Variants in CHRNB4 observed in about 807,000 individuals in gnomAD.
CHRNB4 encodes the protein cholinergic receptor nicotinic beta 4 subunit.
In CHRNB4, 23 loss-of-function variants were observed where a neutral mutation model predicts 40.4. The observed-to-expected ratio is 0.57, with a 90% CI of 0.41 to 0.81. The LOEUF (loss-of-function observed/expected upper bound fraction) is 0.81, where lower values mean the gene tolerates loss of function less well. Among genes scored for constraint, CHRNB4 ranks in the 30% least tolerant of loss-of-function variants. The pLI is 0.00. For synonymous variants in CHRNB4, 285 were observed against 274.4 expected, an observed-to-expected ratio of 1.04 and a Z score of -0.38; for missense variants, 568 against 670.6, an observed-to-expected ratio of 0.85 and a Z score of 1.69.
At chr15:78,650,765 G>A (rs1449625425) in intron 6 of CHRNB4, among the ~76,000 whole-genome samples, 2 of 152,146 alleles carry the variant, frequency 1.3e-5, no homozygotes, top group Admixed American at 1.3e-4. Flanking sequence ...TTATGCACAA[G>A]GCCACCAAAC....
chr15:78,643,851 T>C (rs181776983), upstream of CHRNB4, among the ~76,000 whole-genome samples: 9 of 151,932 alleles, frequency 5.9e-5, no homozygotes, highest in Admixed American at 5.2e-4. Context: ...GAAAATGAAA[T>C]AGAAAAAGAG....
At chr15:78,660,348 T>A (rs1272960705) in intron 1 of CHRNB4, among the ~76,000 whole-genome samples, 3 of 152,220 alleles carry the variant, frequency 2.0e-5, no homozygotes, top group Admixed American at 6.6e-5. Flanking sequence ...TCAATAAAAG[T>A]TGCTAACAGC....
intron 2 of CHRNB4, among the ~76,000 whole-genome samples, chr15:78,631,828 TCTG>T (rs966514309): frequency 1.6e-4 from 24 of 152,282 alleles, no homozygotes; most frequent in African/African-American, 5.3e-4. Flanking sequence ...TACTAATTGT[TCTG>T]CTGCCACATC....
upstream of CHRNB4, chr15:78,661,195 G>T: frequency 1.6e-6 from 1 of 612,548 alleles, no homozygotes. Flanking sequence ...ACCAAAGAGC[G>T]GAATGGTGCT....
At chr15:78,631,645 C>T (rs17487223) in intron 2 of CHRNB4, among the ~76,000 whole-genome samples, 41,250 of 152,136 alleles carry the variant, frequency 0.27, 6,771 homozygotes, top group Middle Eastern at 0.4. Context: ...GTCTTGTAAG[C>T]TATATCTTCT....
intron 7 of CHRNB4, among the ~76,000 whole-genome samples, chr15:78,647,385 A>G (rs1478426237): frequency 6.6e-6 from 1 of 151,626 alleles, no homozygotes; most frequent in African/African-American, 2.4e-5. Flanking sequence ...AACCAAAAGA[A>G]AAGTGGGCAA....
Position 78,625,000 on chromosome 15 carries a change from G to A in CHRNB4, c.*133C>T. 10 of 1,592,548 alleles carry A rather than the reference G, an allele frequency of 6.3e-6. No homozygotes were observed. The highest frequency in any genetic ancestry group is 8.5e-6 in the Non-Finnish European group (10 of 1,177,160). The stretch of plus-strand genomic sequence containing the variant: ...CCCCATCCTTGCCTGTTCCACGGCT[G>A]TGGCTGGTTTGATGGGGTTGATGGC... On this transcript the variant is annotated 3_prime_UTR_variant, in exon 6 of 6. Coordinates refer to ENST00000261751, the MANE Select transcript of CHRNB4 (RefSeq NM_000750.5).
chr15:78,648,305 A>G (rs939203705), intron 7 of CHRNB4, among the ~76,000 whole-genome samples: 8 of 148,558 alleles, frequency 5.4e-5, no homozygotes, highest in Admixed American at 1.3e-4. Context: ...AGGCAGGAGA[A>G]TGGCATGAAC....
At position 78,624,457 on chromosome 15, in the gene CHRNB4, A is replaced by C. The variant is rs2053605901; in HGVS notation, c.*676T>G. ...CTTGGGAAGCCCTGGGGGAAGAGGA[A>C]GAAGGTTCAGGTAGAAGATAGGGAA... is the stretch of plus-strand genomic sequence containing the variant. On this transcript the variant is annotated 3_prime_UTR_variant, in exon 6 of 6. Coordinates refer to ENST00000261751, the MANE Select transcript of CHRNB4 (RefSeq NM_000750.5). The C allele has an allele frequency of 6.5e-6, 1 of 153,094 alleles. No individual in the cohort carries two copies. Among genetic ancestry groups the C allele is most frequent in the Admixed American group, 6.5e-5 (1 of 15,296 alleles). 9.5% of individuals were successfully genotyped at this position (153,094 alleles called of 1,614,324 possible).
At position 78,629,339 on chromosome 15, in the gene CHRNB4, G is replaced by C. The variant is rs748475040; in HGVS notation, c.966C>G (p.Arg322=). The change falls in exon 5 of 6, where the codon CGC becomes CGG. Residue 322 remains arginine (R), a synonymous_variant. Coordinates refer to ENST00000261751, the MANE Select transcript of CHRNB4 (RefSeq NM_000750.5). This position sits in a 1 kb window ranked among gnomAD's most constrained non-coding sequence, Gnocchi z 6.8. Reference sequence around the variant, plus strand: ...GTGCCATGGTGTGGGTGCTGGGCGAGCGGTGGTGCACATTGAGCACACAGA... The same window carrying C: ...GTGCCATGGTGTGGGTGCTGGGCGACCGGTGGTGCACATTGAGCACACAGA... ...TSVCVLNVHH[R]SPSTHTMAPW... is the part of the protein sequence containing the mutation. 5 of 1,614,122 alleles carry C rather than the reference G, an allele frequency of 3.1e-6. No homozygotes were observed. The highest frequency in any genetic ancestry group is 4.2e-6 in the Non-Finnish European group (5 of 1,180,038).
At chr15:78,633,104 C>T (rs1164897354) in intron 2 of CHRNB4, among the ~76,000 whole-genome samples, 1 of 152,188 alleles carries the variant, frequency 6.6e-6, no homozygotes, top group Non-Finnish European at 1.5e-5. Context: ...GCCCCCTGGC[C>T]TTCTTTAGTA....
At chr15:78,658,028 C>CTTTTTTTTTTTTTTTTTTTTTTTTTTT in intron 2 of CHRNB4, among the ~76,000 whole-genome samples, 1 of 90,508 alleles carries the variant, frequency 1.1e-5, no homozygotes, top group Non-Finnish European at 2.0e-5. Flanking sequence ...TCTTGTTTCT[C>CTTTTTTTTTTTTTTTTTTTTTTTTTTT]TTTTTTTTTT....
chr15:78,649,881 AAAG>A (rs2054157078), intron 6 of CHRNB4, among the ~76,000 whole-genome samples: 1 of 152,210 alleles, frequency 6.6e-6, no homozygotes, highest in African/African-American at 2.4e-5. Flanking sequence ...TAAAATGAAA[AAAG>A]AAGGTCTGAA....
Position 78,629,632 on chromosome 15 carries a change from C to A in CHRNB4, c.673G>T (p.Asp225Tyr). Reference protein sequence around the residue: ...QDPSYVDVTYDFIIKRKPLFY... With the variant: ...QDPSYVDVTYYFIIKRKPLFY... Reference sequence around the variant, plus strand: ...AGAGGCTTGCGCTTGATGATGAAGTCGTAAGTCACGTCCACGTAGCTGGGG... The same window carrying A: ...AGAGGCTTGCGCTTGATGATGAAGTAGTAAGTCACGTCCACGTAGCTGGGG... The change falls in exon 5 of 6, where the codon GAC becomes TAC. Residue 225 changes from aspartate (D) to tyrosine (Y), a missense_variant. Transcript: ENST00000261751. The surrounding 1 kb of genome is among the most constrained non-coding windows in gnomAD (Gnocchi z 6.8). 1.2e-6 allele frequency: 2 copies of A among 1,613,992 alleles called. No homozygotes were observed. The highest frequency in any genetic ancestry group is 1.7e-6 in the Non-Finnish European group (2 of 1,179,994).
chr15:78,636,677 G>A (rs1401654454), intron 1 of CHRNB4, among the ~76,000 whole-genome samples: 1 of 151,226 alleles, frequency 6.6e-6, no homozygotes, highest in African/African-American at 2.4e-5. Context: ...GATTCCTCCT[G>A]GATTCAAAGG....
intron 2 of CHRNB4, among the ~76,000 whole-genome samples, chr15:78,632,485 A>AT (rs1596106711): frequency 6.6e-6 from 1 of 151,958 alleles, no homozygotes; most frequent in East Asian, 1.9e-4. Flanking sequence ...ATTTTAAAAA[A>AT]TTTTTTGTGG....
At position 78,635,470 on chromosome 15, in the gene CHRNB4, A is replaced by G; in HGVS notation, c.173T>C (p.Leu58Pro). ...GATAAGCTGGGCCAGGGAGAGCTGC[A>G]GCTTGATGGAGATGAGCTGTGAGGA... The part of the protein sequence containing the change: ...TSSSQLISIK[L>P]QLSLAQLISV... Residue 58 changes from leucine to proline, a missense_variant, in exon 2 of 6, where the codon CTG (leucine) becomes CCG (proline). This residue lies in a region of CHRNB4 where 161 missense variants were observed against 148.1 expected (regional missense o/e 1.09). Coordinates refer to ENST00000261751, the MANE Select transcript of CHRNB4 (RefSeq NM_000750.5). 6.2e-7 allele frequency: 1 copy of G among 1,614,112 alleles called. No individual in the cohort carries two copies. Among genetic ancestry groups the G allele is most frequent in the South Asian group, 1.1e-5 (1 of 91,076 alleles).
At chr15:78,631,717 G>A (rs185184096) in intron 2 of CHRNB4, among the ~76,000 whole-genome samples, 5 of 152,044 alleles carry the variant, frequency 3.3e-5, no homozygotes, top group Admixed American at 6.6e-5. Context: ...TTAGACTACC[G>A]CAGGAGCCCC....
At position 78,641,074 on chromosome 15, in the gene CHRNB4, C is replaced by A; in HGVS notation, c.55+5G>T. ...CCCCTCCCTCCTTCCCCGAAAAGAA[C>A]TCACCGCGCCCGCAAAGGGCGACCA... On this transcript the variant is annotated splice_donor_5th_base_variant and intron_variant, in intron 1 of 5. Transcript: ENST00000261751. 1 of 1,575,702 alleles carries A rather than the reference C, an allele frequency of 6.3e-7. No homozygotes were observed. The highest frequency in any genetic ancestry group is 8.6e-7 in the Non-Finnish European group (1 of 1,161,010).
Sources: allele counts gnomAD v4.1 joint callset (sites outside exome capture counted in the v4.1 genomes callset), GRCh38; gene constraint gnomAD v4.1.1; regional missense constraint gnomAD v4.1.1; non-coding constraint Gnocchi (gnomAD v3.1); transcripts MANE v1.5; gene names NCBI Gene and HGNC (gene_info 2026-07-23, HGNC 2026-07-21).